Variants in RYR2 observed in about 807,000 individuals in gnomAD.
RYR2 encodes the protein cardiac muscle ryanodine receptor-calcium release channel.
RYR2 carries 227 observed loss-of-function variants against 601.1 expected under a neutral mutation model. The ratio of observed to expected loss-of-function variants is 0.38; its 90% CI spans 0.34 to 0.42. RYR2 has a LOEUF of 0.42. RYR2 is among the 10% of genes least tolerant of loss of function. The pLI, the probability that RYR2 is intolerant of heterozygous loss-of-function variation, is 1.00. For synonymous variants in RYR2, 2,223 were observed against 2,175.1 expected, an observed-to-expected ratio of 1.02 and a Z score of -0.61; for missense variants, 4,646 against 6,156.5, an observed-to-expected ratio of 0.75 and a Z score of 8.21.
At chr1:237,259,529 TAAA>T (rs761380380) in intron 1 of RYR2, among the ~76,000 whole-genome samples, 16 of 33,928 alleles carry the variant, frequency 4.7e-4, no homozygotes, top group Admixed American at 4.4e-3. Flanking sequence ...CTAGACCATT[TAAA>T]AAAAAAAAAA....
chr1:237,103,256 C>A lies in RYR2; in HGVS notation c.48+60687C>A, dbSNP rs561585293. 9.2e-5 allele frequency among the ~76,000 whole-genome samples: 14 copies of A among 152,338 alleles called. No individual in the cohort carries two copies. In the East Asian group the frequency reaches 2.3e-3, roughly 25 times the overall value. ...TTATTTTGGATATTCAGCTTCCGAA[C>A]ACTGTCCTACGTTTGGGAACCTCAC... On this transcript the variant is annotated intron_variant, in intron 1 of 104. Transcript: ENST00000366574.
chr1:237,530,253 G>A (rs1355705894), intron 24 of RYR2, among the ~76,000 whole-genome samples, 174 bp from the exon 25 acceptor site: 1 of 151,820 alleles, frequency 6.6e-6, no homozygotes, highest in Non-Finnish European at 1.5e-5. Context: ...GGAGCTTGCA[G>A]TGAGCCGAGA....
chr1:237,144,092 G>GGGT (rs1040443964), intron 1 of RYR2, among the ~76,000 whole-genome samples: 1 of 151,706 alleles, frequency 6.6e-6, no homozygotes, highest in African/African-American at 2.4e-5. Context: ...CTGCGCCACT[G>GGGT]CACTCCAGCC....
At chr1:237,608,875 C>T (rs562034885) in intron 35 of RYR2, among the ~76,000 whole-genome samples, 2 of 144,442 alleles carry the variant, frequency 1.4e-5, no homozygotes, top group African/African-American at 5.1e-5. Flanking sequence ...TATATTCAGT[C>T]ATCTATTGAC....
intron 37 of RYR2, among the ~76,000 whole-genome samples, chr1:237,616,569 C>T (rs551090530): frequency 5.3e-5 from 8 of 152,234 alleles, no homozygotes; most frequent in Non-Finnish European, 1.0e-4. Context: ...ATGTCATCAC[C>T]CAGTTACACT....
intron 2 of RYR2, among the ~76,000 whole-genome samples, chr1:237,287,050 A>G (rs1201092337): frequency 2.6e-5 from 4 of 152,132 alleles, no homozygotes; most frequent in Non-Finnish European, 5.9e-5. Context: ...TGTTTGTCTG[A>G]AAAAGACTGT....
chr1:237,066,001 C>T (rs1303406060), intron 1 of RYR2, among the ~76,000 whole-genome samples: 2 of 152,162 alleles, frequency 1.3e-5, no homozygotes, highest in Non-Finnish European at 2.9e-5. Flanking sequence ...TCCAGTCACC[C>T]CCAACCAGAC....
chr1:237,047,361 GCCAAGATTGGAAT>G (rs1311013841), intron 1 of RYR2, among the ~76,000 whole-genome samples: 1 of 147,318 alleles, frequency 6.8e-6, no homozygotes, highest in East Asian at 2.0e-4. Context: ...GGTCCTGGAA[GCCAAGATTGGAAT>G]CCATCCTTTC....
chr1:237,608,336 C>T (rs929269506), intron 35 of RYR2, among the ~76,000 whole-genome samples: 5 of 152,166 alleles, frequency 3.3e-5, no homozygotes, highest in Admixed American at 6.5e-5. Flanking sequence ...TCATACAACT[C>T]GGAGTAAAGG....
At chr1:237,330,811 A>G (rs749727109) in intron 2 of RYR2, 67 bp from the exon 3 acceptor site, 3 of 1,227,270 alleles carry the variant, frequency 2.4e-6, no homozygotes, top group African/African-American at 1.5e-5. Flanking sequence ...GGAGCCTCCT[A>G]AGGTAAGCTG....
chr1:237,410,023 G>A (rs1704287193), intron 10 of RYR2, among the ~76,000 whole-genome samples: 2 of 152,044 alleles, frequency 1.3e-5, no homozygotes. Flanking sequence ...CAGAAAATAG[G>A]ACTCTGAATA....
chr1:237,067,337 C>T (rs547637433), intron 1 of RYR2, among the ~76,000 whole-genome samples: 97 of 152,266 alleles, frequency 6.4e-4, no homozygotes, highest in African/African-American at 2.2e-3. Context: ...GTATGAGACT[C>T]AGGTAGAGAT....
At chr1:237,515,710 CCTT>C (rs1441429321) in intron 24 of RYR2, among the ~76,000 whole-genome samples, 1 of 690 alleles carries the variant, frequency 1.4e-3, no homozygotes, top group African/African-American at 5.2e-3. Flanking sequence ...CCCTCCTTCT[CCTT>C]CTTCTCTTCC....
intron 15 of RYR2, among the ~76,000 whole-genome samples, chr1:237,455,581 T>A (rs1374107010): frequency 6.6e-6 from 1 of 152,148 alleles, no homozygotes; most frequent in Non-Finnish European, 1.5e-5. Flanking sequence ...ATAAAAGTTG[T>A]GACACAGAGA....
chr1:237,427,838 G>A (rs547921095), intron 12 of RYR2, among the ~76,000 whole-genome samples: 6 of 148,694 alleles, frequency 4.0e-5, no homozygotes, highest in Non-Finnish European at 5.9e-5. Context: ...TATCAGATGA[G>A]GTGGAATTCA....
At chr1:237,271,466 T>C (rs540841252) in intron 2 of RYR2, among the ~76,000 whole-genome samples, 27 of 152,334 alleles carry the variant, frequency 1.8e-4, no homozygotes, top group African/African-American at 6.3e-4. Flanking sequence ...GTATGTTCTG[T>C]ATATGAATGA....
intron 80 of RYR2, among the ~76,000 whole-genome samples, chr1:237,749,803 T>G (rs531836029): frequency 1.3e-5 from 2 of 152,146 alleles, no homozygotes; most frequent in South Asian, 2.1e-4. Flanking sequence ...AAAAAGAAAA[T>G]AAACTCCCTG....
At chr1:237,048,539 C>T (rs1660870082) in intron 1 of RYR2, among the ~76,000 whole-genome samples, 1 of 152,102 alleles carries the variant, frequency 6.6e-6, no homozygotes, top group African/African-American at 2.4e-5. Context: ...CATATCCTGT[C>T]TAATTTCTCT....
intron 33 of RYR2, among the ~76,000 whole-genome samples, chr1:237,594,886 G>GTTTTTTT (rs776702428): frequency 3.3e-5 from 2 of 60,416 alleles, no homozygotes; most frequent in African/African-American, 9.5e-5. Flanking sequence ...ATATCACTGG[G>GTTTTTTT]TTTTTTTTTT....
Sources: allele counts gnomAD v4.1 joint callset (sites outside exome capture counted in the v4.1 genomes callset), GRCh38; gene constraint gnomAD v4.1.1; transcripts MANE v1.5; gene names NCBI Gene and HGNC (gene_info 2026-07-23, HGNC 2026-07-21).